FBLIM1: variants seen among roughly 807,000 people sequenced by gnomAD.
FBLIM1 encodes filamin binding LIM protein 1.
In FBLIM1, 29 loss-of-function variants were observed where a neutral mutation model predicts 37.4. The ratio of observed to expected loss-of-function variants is 0.77; its 90% CI spans 0.58 to 1.06. The LOEUF (loss-of-function observed/expected upper bound fraction) is 1.06, where lower values mean the gene tolerates loss of function less well. Ranked by LOEUF, FBLIM1 falls within the 50% of genes least tolerant of loss-of-function variation. The probability of loss-of-function intolerance (pLI) is 0.00; values close to 1 mark genes in which losing one functional copy is unlikely to be tolerated. For synonymous variants in FBLIM1, 193 were observed against 199.0 expected, an observed-to-expected ratio of 0.97 and a Z score of 0.25; for missense variants, 449 against 505.6, an observed-to-expected ratio of 0.89 and a Z score of 1.07.
intron 6 of FBLIM1, 108 bp from the exon 7 acceptor site, chr1:15,774,510 G>T (rs922004037): frequency 7.0e-7 from 1 of 1,436,972 alleles, no homozygotes; most frequent in Admixed American, 2.4e-5. Context: ...GGCCTCTCCT[G>T]TACTTCCCAG....
At chr1:15,771,693 T>C (rs2069222198) in intron 6 of FBLIM1, among the ~76,000 whole-genome samples, 1 of 151,938 alleles carries the variant, frequency 6.6e-6, no homozygotes, top group Non-Finnish European at 1.5e-5. Flanking sequence ...ACCTGGATAA[T>C]CAGGATAATC....
rs749949218 is a variant in FBLIM1, at chr1:15,784,705, G to T, written c.*44G>T. On this transcript the variant is annotated 3_prime_UTR_variant, in exon 9 of 9. Coordinates refer to ENST00000375766, the MANE Select transcript of FBLIM1 (RefSeq NM_017556.4). ...GAACAGACCACTAGCCCCGGCTGGGGCCCTTCCCTGACTTGGTTTCCCTTC... is the reference window on the plus strand; with the variant it reads ...GAACAGACCACTAGCCCCGGCTGGGTCCCTTCCCTGACTTGGTTTCCCTTC... 6.4e-7 allele frequency: 1 copy of T among 1,562,326 alleles called. No homozygotes were observed. Among genetic ancestry groups the T allele is most frequent in the East Asian group, 2.3e-5 (1 of 44,444 alleles).
intron 1 of FBLIM1, among the ~76,000 whole-genome samples, chr1:15,763,928 C>G (rs938389352): frequency 2.6e-5 from 4 of 152,128 alleles, no homozygotes; most frequent in Non-Finnish European, 5.9e-5. Context: ...TGTGAGCCAC[C>G]ATGCCCGGCC....
At chr1:15,762,550 C>T (rs2068724572) in intron 1 of FBLIM1, among the ~76,000 whole-genome samples, 1 of 152,162 alleles carries the variant, frequency 6.6e-6, no homozygotes, top group Non-Finnish European at 1.5e-5. Flanking sequence ...CATAAGCCTC[C>T]ACGCCAGGCC....
At chr1:15,761,018 G>T (rs1300487266) in intron 1 of FBLIM1, among the ~76,000 whole-genome samples, 2 of 152,166 alleles carry the variant, frequency 1.3e-5, no homozygotes, top group Non-Finnish European at 2.9e-5. Context: ...CACTGCTTGG[G>T]AGGTATAGGG....
intron 8 of FBLIM1, among the ~76,000 whole-genome samples, chr1:15,781,237 A>G (rs2069627004): frequency 6.6e-6 from 1 of 152,092 alleles, no homozygotes; most frequent in Non-Finnish European, 1.5e-5. Context: ...GTGTGTCTGT[A>G]GTCCCAGCTA....
chr1:15,776,866 CA>C (rs36071270), intron 7 of FBLIM1: 20,238 of 68,786 alleles, frequency 0.29, 1,339 homozygotes, highest in South Asian at 0.4. Flanking sequence ...AACTCCATCT[CA>C]AAAAAAAAAA....
At position 15,765,072 on chromosome 1, in the gene FBLIM1, T is replaced by C. The variant is rs372194423; in HGVS notation, c.89T>C (p.Val30Ala). The change falls in exon 3 of 9, where the codon GTG (valine) becomes GCG (alanine). Residue 30 changes from valine to alanine, a missense_variant. Transcript: ENST00000375766. This position sits in a 1 kb window ranked among gnomAD's most constrained non-coding sequence, Gnocchi z 5.9. Reference protein sequence around the residue: ...PRRDVAVAEEVRQAVCEARRG... With the variant: ...PRRDVAVAEEARQAVCEARRG... The stretch of plus-strand genomic sequence containing the variant: ...CGCGATGTGGCCGTGGCGGAGGAAG[T>C]GAGGCAGGCAGTTTGTGAGGCCCGG... 6.2e-7 allele frequency: 1 copy of C among 1,614,056 alleles called. No individual in the cohort carries two copies. Among genetic ancestry groups the C allele is most frequent in the Non-Finnish European group, 8.5e-7 (1 of 1,179,992 alleles).
At chr1:15,769,814 T>C (rs2148556087) in intron 5 of FBLIM1, among the ~76,000 whole-genome samples, 1 of 152,172 alleles carries the variant, frequency 6.6e-6, no homozygotes, top group African/African-American at 2.4e-5. Flanking sequence ...TTTTGTATTT[T>C]TAGTAGAGAC....
chr1:15,768,578 G>A lies in FBLIM1; in HGVS notation c.489G>A (p.Glu163=), dbSNP rs754882484. ...SVQPGPLRPM[E]EELPPPPAEP... ...AGCCCGGTCCCCTCAGGCCCATGGAGGAAGAGCTGCCACCTCCCCCGGCAG... is the reference window on the plus strand; with the variant it reads ...AGCCCGGTCCCCTCAGGCCCATGGAAGAAGAGCTGCCACCTCCCCCGGCAG... Residue 163 remains glutamate, a synonymous_variant, in exon 5 of 9, where the codon GAG becomes GAA. Coordinates refer to ENST00000375766, the MANE Select transcript of FBLIM1 (RefSeq NM_017556.4). 1 of 1,612,188 alleles carries A rather than the reference G, an allele frequency of 6.2e-7. No homozygotes were observed. The highest frequency in any genetic ancestry group is 1.1e-5 in the South Asian group (1 of 90,732).
intron 1 of FBLIM1, among the ~76,000 whole-genome samples, chr1:15,761,054 T>C (rs569808401): frequency 6.6e-6 from 1 of 152,216 alleles, no homozygotes; most frequent in East Asian, 1.9e-4. Flanking sequence ...ACATCTGGCC[T>C]CAGTGCTGGA....
chr1:15,773,476 C>T (rs1208933426), intron 6 of FBLIM1, among the ~76,000 whole-genome samples: 1 of 151,074 alleles, frequency 6.6e-6, no homozygotes, highest in Non-Finnish European at 1.5e-5. Context: ...GTCAGGAGTT[C>T]GAGACCAGCC....
Position 15,786,497 on chromosome 1 carries a change from C to T in FBLIM1, c.*1836C>T, listed in dbSNP as rs758524830. The T allele has an allele frequency of 2.6e-5, 4 of 152,268 alleles. No homozygotes were observed. The highest frequency in any genetic ancestry group is 9.6e-5 in the African/African-American group (4 of 41,470). 9.4% of individuals were successfully genotyped at this position (152,268 alleles called of 1,614,324 possible). On this transcript the variant is annotated 3_prime_UTR_variant, in exon 9 of 9. Transcript: ENST00000375766. ...TTTCACTCACTTCTGACTTTAGCCT[C>T]GTGCTGAGCCGTGTATCCATGCAGT...
intron 8 of FBLIM1, 54 bp from the exon 9 acceptor site, chr1:15,784,494 G>C (rs2069726300): frequency 6.9e-7 from 1 of 1,458,914 alleles, no homozygotes; most frequent in Admixed American, 1.7e-5. Context: ...TCCCTCCCCT[G>C]TGCAGGCAGC....
intron 6 of FBLIM1, 62 bp downstream of exon 6, chr1:15,770,640 A>G (rs2069157354): frequency 5.1e-6 from 8 of 1,563,278 alleles, no homozygotes; most frequent in Non-Finnish European, 6.1e-6. Flanking sequence ...AATATGTTGC[A>G]CCATTTCATT....
chr1:15,770,330 C>A, intron 5 of FBLIM1, 79 bp from the exon 6 acceptor site: 5 of 1,484,686 alleles, frequency 3.4e-6, no homozygotes, highest in Non-Finnish European at 4.6e-6. Context: ...CCTCGGGTAT[C>A]CTGAGCATGT....
At chr1:15,781,694 A>G (rs571792455) in intron 8 of FBLIM1, among the ~76,000 whole-genome samples, 2 of 150,680 alleles carry the variant, frequency 1.3e-5, no homozygotes, top group African/African-American at 2.4e-5. Flanking sequence ...AAGGATAACA[A>G]TACTTTTATA....
intron 1 of FBLIM1, among the ~76,000 whole-genome samples, chr1:15,759,484 G>A (rs1209551026): frequency 6.6e-6 from 1 of 152,148 alleles, no homozygotes; most frequent in Non-Finnish European, 1.5e-5. Flanking sequence ...GAGAGGCTGG[G>A]GCCGCGCCCA....
intron 7 of FBLIM1, among the ~76,000 whole-genome samples, chr1:15,775,985 T>C (rs1475428181): frequency 1.3e-5 from 2 of 152,078 alleles, no homozygotes; most frequent in African/African-American, 2.4e-5. Flanking sequence ...GGGAGAAGAT[T>C]CCTGCCTTGG....
Sources: gnomAD v4.1 joint callset for allele counts (sites outside exome capture counted in the v4.1 genomes callset) on GRCh38, gnomAD v4.1.1 for gene constraint, Gnocchi (gnomAD v3.1) non-coding constraint, MANE v1.5 for transcripts, NCBI Gene and HGNC (gene_info 2026-07-23, HGNC 2026-07-21) for gene names.